SERPINB9: variants seen among roughly 807,000 people sequenced by gnomAD.
SERPINB9 encodes serpin family B member 9.
SERPINB9 carries 20 observed loss-of-function variants against 27.2 expected under a neutral mutation model. The ratio of observed to expected loss-of-function variants is 0.74; its 90% confidence interval spans 0.52 to 1.07. The LOEUF (loss-of-function observed/expected upper bound fraction) is 1.07, where lower values mean the gene tolerates loss of function less well. Among genes scored for constraint, SERPINB9 ranks in the 50% least tolerant of loss-of-function variants. SERPINB9 has a pLI of 0.00. For missense variants in SERPINB9, 476 were observed against 460.1 expected, an observed-to-expected ratio of 1.03 and a Z score of -0.32; for synonymous variants, 189 against 180.0, an observed-to-expected ratio of 1.05 and a Z score of -0.40.
rs145215415 is a variant in SERPINB9, at chr6:2,900,557, G to A, written c.55C>T (p.Leu19=). 20 of 1,614,114 alleles carry A rather than the reference G, an allele frequency of 1.2e-5. No individual in the cohort carries two copies. The African/African-American group carries it at 2.4e-4, about 19-fold the overall frequency. ...GTFAIRLLKI[L]CQDNPSHNVF... ...TTGTGCGAAGGGTTATCTTGACACAGTATCTTTAAAAGGCGTATGGCAAAA... is the reference window on the plus strand; with the variant it reads ...TTGTGCGAAGGGTTATCTTGACACAATATCTTTAAAAGGCGTATGGCAAAA... The change falls in exon 2 of 7, where the codon CTG becomes TTG. Residue 19 remains leucine (L), a synonymous_variant. Transcript: ENST00000380698.
intron 2 of SERPINB9, 115 bp downstream of exon 2, chr6:2,900,329 A>C (rs1189347890): frequency 7.7e-7 from 1 of 1,304,838 alleles, no homozygotes. Flanking sequence ...GCCAGTGCAC[A>C]CTCGGGCCCC....
chr6:2,896,887 C>T (rs1032001279), intron 2 of SERPINB9, among the ~76,000 whole-genome samples: 1 of 152,024 alleles, frequency 6.6e-6, no homozygotes, highest in Non-Finnish European at 1.5e-5. Flanking sequence ...TGCCTATAAT[C>T]CCAGCACTTT....
rs1415653530 is a variant in SERPINB9, at chr6:2,889,772, A to G, written c.*391T>C. The G allele has an allele frequency of 6.1e-6, 1 of 163,428 alleles. No individual in the cohort carries two copies. 10.1% of individuals were successfully genotyped at this position (163,428 alleles called of 1,614,324 possible). ...TTTTTATAAGGCTAAGCACCAGGAA[A>G]TCTATAAAATAGTAGCAATATCTAG... On this transcript the variant is annotated 3_prime_UTR_variant, in exon 7 of 7. Transcript: ENST00000380698.
intron 5 of SERPINB9, 73 bp downstream of exon 5, chr6:2,893,338 C>G: frequency 2.7e-6 from 4 of 1,481,554 alleles, no homozygotes; most frequent in Non-Finnish European, 3.7e-6. Flanking sequence ...ATGTCACTTA[C>G]ACTTTTACAA....
At position 2,890,418 on chromosome 6, in the gene SERPINB9, G is replaced by C. The variant is rs190102143; in HGVS notation, c.876C>G (p.Ala292=). The C allele has an allele frequency of 2.8e-5, 45 of 1,614,158 alleles. No homozygotes were observed. In the Admixed American group the frequency reaches 7.3e-4, roughly 26 times the overall value. ...SVLRHLGIVD[A]FQQGKADLSA... is the part of the protein sequence containing the mutation. ...ACAAGTCAGCCTTGCCCTGTTGGAA[G>C]GCATCAACAATTCCCAAATGCCGAA... is the stretch of plus-strand genomic sequence containing the variant. The change falls in exon 7 of 7, where the codon GCC becomes GCG. Residue 292 remains alanine, a synonymous_variant. Coordinates refer to ENST00000380698, the MANE Select transcript of SERPINB9 (RefSeq NM_004155.6). The surrounding 1 kb of genome is among the most constrained non-coding windows in gnomAD (Gnocchi z 6.2).
chr6:2,892,641 A>C (rs1024990189), intron 5 of SERPINB9, among the ~76,000 whole-genome samples: 1 of 152,220 alleles, frequency 6.6e-6, no homozygotes, highest in Non-Finnish European at 1.5e-5. Context: ...TTTATTATAA[A>C]AATTAAAATA....
intron 4 of SERPINB9, among the ~76,000 whole-genome samples, chr6:2,893,997 G>C (rs1303019113): frequency 6.6e-6 from 1 of 152,066 alleles, no homozygotes; most frequent in East Asian, 1.9e-4. Context: ...AGCTGACATT[G>C]GGCACATGGG....
rs1425621134 is a variant in SERPINB9 at position 2,889,190 on chromosome 6, TAAAG to T, written c.*969_*972del. The T allele has an allele frequency of 1.3e-5, 2 of 152,128 alleles. No individual in the cohort carries two copies. Among genetic ancestry groups the T allele is most frequent in the Non-Finnish European group, 2.9e-5 (2 of 68,026 alleles). The allele number at this position is 152,128 out of a possible 1,614,324, so 9.4% of individuals were successfully genotyped here. A position where few individuals can be genotyped will look rare whatever the true frequency, so the allele number is the denominator to read the frequency against. On this transcript the variant is annotated 3_prime_UTR_variant, in exon 7 of 7. Transcript: ENST00000380698. ...TTAGAGGTAGAGAAATACAATATCA[TAAAG>T]AAAGATGTGATCCCTACAAGAGGAT...
In SERPINB9 at chr6:2,896,106, G is replaced by A. The variant is rs746921859; in HGVS notation, c.253C>T (p.Leu85=). 1.2e-6 allele frequency: 2 copies of A among 1,614,148 alleles called. No individual in the cohort carries two copies. The highest frequency in any genetic ancestry group is 3.3e-5 in the Admixed American group (2 of 59,994). The change falls in exon 3 of 7, where the codon CTG becomes TTG. Residue 85 remains leucine, a synonymous_variant. Coordinates refer to ENST00000380698, the MANE Select transcript of SERPINB9 (RefSeq NM_004155.6). The stretch of plus-strand genomic sequence containing the variant: ...AAGAGCCTGTTGGCCGTTCTCAGCA[G>A]GTACTGTGTGCCAGCCTTGTTCACT... The part of the protein sequence containing the change: ...TEVNKAGTQY[L]LRTANRLFGE...
At chr6:2,899,158 A>C (rs9503330) in intron 2 of SERPINB9, among the ~76,000 whole-genome samples, 9,777 of 152,196 alleles carry the variant, frequency 0.064, 398 homozygotes, top group African/African-American at 0.11. Flanking sequence ...AAAGCTTTCT[A>C]TAAGGGTTTA....
chr6:2,890,338 A>G lies in SERPINB9; in HGVS notation c.956T>C (p.Phe319Ser). ...LCLSKFVHKS[F>S]VEVNEEGTEA... ...GGTGCCTTCTTCATTCACCTCCACA[A>G]AACTCTTGTGCACGAACTTGGACAG... Residue 319 changes from phenylalanine to serine, a missense_variant, in exon 7 of 7, where the codon TTT becomes TCT. Physicochemically the swap from Phe to Ser is radical, Grantham distance 155 (BLOSUM62 -2). Transcript: ENST00000380698. This position sits in a 1 kb window ranked among gnomAD's most constrained non-coding sequence, Gnocchi z 6.2. The G allele has an allele frequency of 6.2e-7, 1 of 1,614,140 alleles. No individual in the cohort carries two copies. Among genetic ancestry groups the G allele is most frequent in the Non-Finnish European group, 8.5e-7 (1 of 1,180,008 alleles).
chr6:2,899,522 T>G (rs1768122298), intron 2 of SERPINB9, among the ~76,000 whole-genome samples: 1 of 152,218 alleles, frequency 6.6e-6, no homozygotes. Context: ...CCTCTTTACT[T>G]TTTCCTTTAA....
At chr6:2,892,797 G>A (rs1767854445) in intron 5 of SERPINB9, among the ~76,000 whole-genome samples, 1 of 151,832 alleles carries the variant, frequency 6.6e-6, no homozygotes, top group Non-Finnish European at 1.5e-5. Context: ...ATCTTTTTAG[G>A]GGCTGGAAGA....
In SERPINB9 at chr6:2,890,504, C is replaced by G. The variant is rs1561642775; in HGVS notation, c.790G>C (p.Glu264Gln). The stretch of plus-strand genomic sequence containing the variant: ...AATTTTGGAAGGAGAACTTCAACCT[C>G]AGTACTCTTCATACAGTCTGGCTTG... ...WTKPDCMKSTEVEVLLPKFKL... is the reference protein window; with the variant it reads ...WTKPDCMKSTQVEVLLPKFKL... Residue 264 changes from glutamate (E) to glutamine (Q), a missense_variant, in exon 7 of 7, where the codon GAG becomes CAG. Coordinates refer to ENST00000380698, the MANE Select transcript of SERPINB9 (RefSeq NM_004155.6). The surrounding 1 kb of genome is among the most constrained non-coding windows in gnomAD (Gnocchi z 6.2). The G allele has an allele frequency of 6.2e-7, 1 of 1,614,088 alleles. No homozygotes were observed. Among genetic ancestry groups the G allele is most frequent in the African/African-American group, 1.3e-5 (1 of 74,932 alleles).
intron 2 of SERPINB9, among the ~76,000 whole-genome samples, chr6:2,896,749 C>G (rs1768013193): frequency 2.0e-5 from 3 of 152,184 alleles, no homozygotes; most frequent in Admixed American, 2.0e-4. Flanking sequence ...AACAAAAAAT[C>G]AGCATTATAA....
intron 5 of SERPINB9, 51 bp from the exon 6 acceptor site, chr6:2,892,039 A>G: frequency 6.6e-7 from 1 of 1,514,968 alleles, no homozygotes; most frequent in Non-Finnish European, 8.9e-7. Flanking sequence ...AAAGAGCTGC[A>G]GTTGCCTCCA....
chr6:2,897,547 T>C (rs1048849768), intron 2 of SERPINB9, among the ~76,000 whole-genome samples: 1 of 152,214 alleles, frequency 6.6e-6, no homozygotes, highest in Non-Finnish European at 1.5e-5. Flanking sequence ...GGGTGATATA[T>C]ATTAGACCAA....
chr6:2,890,638 CA>C lies in SERPINB9; in HGVS notation c.724-69del. The C allele has an allele frequency of 6.9e-7, 1 of 1,441,122 alleles. No homozygotes were observed. The highest frequency in any genetic ancestry group is 9.5e-7 in the Non-Finnish European group (1 of 1,052,886). 89.3% of individuals were successfully genotyped at this position (1,441,122 alleles called of 1,614,324 possible). On this transcript the variant is annotated intron_variant, in intron 6 of 6. Coordinates refer to ENST00000380698, the MANE Select transcript of SERPINB9 (RefSeq NM_004155.6). This position sits in a 1 kb window ranked among gnomAD's most constrained non-coding sequence, Gnocchi z 6.2. ...ACATGTACAAGCGCACAGGCACTCA[CA>C]GTTCCCTTCCTCCCCTTGCACGTAG...
Position 2,900,885 on chromosome 6 carries a change from T to TCTCTCACACACACACACACACACACACA in SERPINB9, c.-10-265_-10-264insTGTGTGTGTGTGTGTGTGTGTGTGAGAG, listed in dbSNP as rs61100591. ...TGGCTCGCCTGCAGAGCTCGCTCTC[T>TCTCTCACACACACACACACACACACACA]CACACACACACACACACACACACAC... On this transcript the variant is annotated intron_variant, in intron 1 of 6. Transcript: ENST00000380698. 6.6e-4 allele frequency among the ~76,000 whole-genome samples: 94 copies of TCTCTCACACACACACACACACACACACA among 141,566 alleles called. No homozygotes were observed. In the Middle Eastern group the frequency reaches 0.011, roughly 16 times the overall value. 92.9% of individuals were successfully genotyped at this position (141,566 alleles called of 152,430 possible). A position where few individuals can be genotyped will look rare whatever the true frequency, so the allele number is the denominator to read the frequency against.
Sources: gnomAD v4.1 joint callset for allele counts (sites outside exome capture counted in the v4.1 genomes callset) on GRCh38, gnomAD v4.1.1 for gene constraint, Gnocchi (gnomAD v3.1) non-coding constraint, MANE v1.5 for transcripts, NCBI Gene and HGNC (gene_info 2026-07-23, HGNC 2026-07-21) for gene names.